Variants in SCAF4 observed in about 807,000 individuals in gnomAD.
SCAF4 encodes the protein SR-related and CTD-associated factor 4.
A neutral mutation model predicts 129.8 loss-of-function variants in SCAF4; 25 were observed. The observed-to-expected ratio is 0.19, with a 90% confidence interval of 0.14 to 0.27. The LOEUF is 0.27. SCAF4 is among the 10% of genes least tolerant of loss of function. SCAF4 has a pLI of 1.00. For synonymous variants in SCAF4, 551 were observed against 497.7 expected, an observed-to-expected ratio of 1.11 and a Z score of -1.43; for missense variants, 1,246 against 1,457.1, an observed-to-expected ratio of 0.86 and a Z score of 2.36.
At position 31,731,946 on chromosome 21, in the gene SCAF4, T is replaced by C. The variant is rs2051373945; in HGVS notation, c.-254A>G. 4.1e-6 allele frequency: 2 copies of C among 486,926 alleles called. No homozygotes were observed. The highest frequency in any genetic ancestry group is 4.1e-5 in the African/African-American group (2 of 48,742). 30.2% of individuals were successfully genotyped at this position (486,926 alleles called of 1,614,324 possible). On this transcript the variant is annotated 5_prime_UTR_variant, in exon 1 of 20. Coordinates refer to ENST00000286835, the MANE Select transcript of SCAF4 (RefSeq NM_020706.2). ...AAAGGAGGCGGCGGCAGCGCTGGTCTTCAACATGTCCGTTTGGTGGTGGCG... is the reference window on the plus strand; with the variant it reads ...AAAGGAGGCGGCGGCAGCGCTGGTCCTCAACATGTCCGTTTGGTGGTGGCG...
chr21:31,671,596 C>T lies in SCAF4; in HGVS notation c.3247G>A (p.Val1083Met), dbSNP rs1276199521. 2 of 1,614,158 alleles carry T rather than the reference C, an allele frequency of 1.2e-6. No individual in the cohort carries two copies. The highest frequency in any genetic ancestry group is 8.5e-7 in the Non-Finnish European group (1 of 1,180,016). ...EEARGKEKPE[V>M]TDRAGGNKTV... ...TTGTTACCACCTGCCCTGTCTGTCACCTCAGGCTTTTCCTTTCCTCGGGCT... is the reference window on the plus strand; with the variant it reads ...TTGTTACCACCTGCCCTGTCTGTCATCTCAGGCTTTTCCTTTCCTCGGGCT... The change falls in exon 20 of 20, where the codon GTG (valine) becomes ATG (methionine). Residue 1083 changes from valine to methionine, a missense_variant. This residue lies in a region of SCAF4 where 339 missense variants were observed against 325.0 expected (regional missense o/e 1.04). Coordinates refer to ENST00000286835, the MANE Select transcript of SCAF4 (RefSeq NM_020706.2).
chr21:31,671,667 C>G lies in SCAF4; in HGVS notation c.3176G>C (p.Arg1059Thr), dbSNP rs753234671. The stretch of plus-strand genomic sequence containing the variant: ...CTCTCTATCTCTAGAATCTCTCTCT[C>G]TGTCTCGATGCCCACTAGAGCGTCT... ...RNRRSSGHRD[R>T]ERDSRDRESR... The change falls in exon 20 of 20, where the codon AGA (arginine) becomes ACA (threonine). Residue 1059 changes from arginine to threonine, a missense_variant. Coordinates refer to ENST00000286835, the MANE Select transcript of SCAF4 (RefSeq NM_020706.2). 8 of 1,613,962 alleles carry G rather than the reference C, an allele frequency of 5.0e-6. No homozygotes were observed. Among genetic ancestry groups the G allele is most frequent in the Non-Finnish European group, 5.1e-6 (6 of 1,179,848 alleles).
intron 14 of SCAF4, 146 bp downstream of exon 14, chr21:31,691,671 T>TAAA: frequency 2.6e-6 from 1 of 382,476 alleles, no homozygotes; most frequent in South Asian, 8.5e-5. Context: ...GAAATATTCT[T>TAAA]TAAAAAAAAA....
At chr21:31,725,371 G>C (rs1002365734) in intron 1 of SCAF4, among the ~76,000 whole-genome samples, 2 of 152,126 alleles carry the variant, frequency 1.3e-5, no homozygotes, top group African/African-American at 4.8e-5. Context: ...TTTACAGTAA[G>C]AGAAGGGAGT....
intron 19 of SCAF4, among the ~76,000 whole-genome samples, chr21:31,682,376 CAA>C (rs57530611): frequency 3.1e-4 from 40 of 128,112 alleles, no homozygotes; most frequent in African/African-American, 8.9e-4. Context: ...AGACACATCT[CAA>C]AAAAAAAAAA....
At chr21:31,715,160 C>T (rs1164154063) in intron 1 of SCAF4, among the ~76,000 whole-genome samples, 1 of 152,180 alleles carries the variant, frequency 6.6e-6, no homozygotes, top group Non-Finnish European at 1.5e-5. Flanking sequence ...GAATCTATTT[C>T]TTGTCTAATC....
At chr21:31,718,899 A>C (rs182345502) in intron 1 of SCAF4, among the ~76,000 whole-genome samples, 239 of 152,350 alleles carry the variant, frequency 1.6e-3, no homozygotes, top group Non-Finnish European at 2.4e-3. Flanking sequence ...TGTTTTACCA[A>C]ATAAACACAT....
chr21:31,694,759 CAT>C (rs2050343245), intron 10 of SCAF4, 52 bp downstream of exon 10: 1 of 1,529,428 alleles, frequency 6.5e-7, no homozygotes, highest in South Asian at 1.1e-5. Context: ...GAGAAATCTG[CAT>C]ATAAGTCAAG....
intron 1 of SCAF4, among the ~76,000 whole-genome samples, chr21:31,719,630 GAGT>G (rs2051023410): frequency 6.6e-6 from 1 of 151,900 alleles, no homozygotes; most frequent in Non-Finnish European, 1.5e-5. Context: ...TCAGCCTCCC[GAGT>G]AGCTGGGATT....
rs779193054 is a variant in SCAF4, at chr21:31,692,300, C to T, written c.1614+49G>A. The T allele has an allele frequency of 9.3e-6, 13 of 1,398,836 alleles. No individual in the cohort carries two copies. In the Middle Eastern group the frequency reaches 7.1e-4, roughly 76 times the overall value. The allele number at this position is 1,398,836 out of a possible 1,614,324, so 86.7% of individuals were successfully genotyped here. The stretch of plus-strand genomic sequence containing the variant: ...TCAGGTCCTCCATTTCATAAAATGA[C>T]ATTAATCACACCTGTCCATCGTACT... On this transcript the variant is annotated intron_variant, in intron 13 of 19. Transcript: ENST00000286835.
chr21:31,690,090 C>T (rs1601203543), intron 15 of SCAF4, among the ~76,000 whole-genome samples: 1 of 152,158 alleles, frequency 6.6e-6, no homozygotes, highest in African/African-American at 2.4e-5. Flanking sequence ...AATATTTATG[C>T]CCACAAATAA....
chr21:31,718,296 G>A (rs569735483), intron 1 of SCAF4, among the ~76,000 whole-genome samples: 9 of 151,990 alleles, frequency 5.9e-5, no homozygotes, highest in Non-Finnish European at 1.0e-4. Flanking sequence ...TTTAATTATT[G>A]ATATACAGCT....
At chr21:31,693,099 T>C (rs763323860) in intron 12 of SCAF4, among the ~76,000 whole-genome samples, 195 bp downstream of exon 12, 17 of 152,344 alleles carry the variant, frequency 1.1e-4, no homozygotes, top group African/African-American at 3.4e-4. Context: ...TGCTGCTTTA[T>C]AGCTGGTTTA....
intron 1 of SCAF4, among the ~76,000 whole-genome samples, chr21:31,726,009 T>C (rs1383124185): frequency 6.6e-6 from 1 of 151,950 alleles, no homozygotes; most frequent in African/African-American, 2.4e-5. Context: ...ATAAATATAA[T>C]AACCAATAGA....
intron 1 of SCAF4, among the ~76,000 whole-genome samples, chr21:31,722,440 A>AC (rs2051092323): frequency 6.6e-6 from 1 of 152,164 alleles, no homozygotes; most frequent in African/African-American, 2.4e-5. Context: ...TTTACAAACA[A>AC]CCAGAATCGG....
At chr21:31,692,313 T>C in intron 13 of SCAF4, 36 bp downstream of exon 13, 1 of 1,468,300 alleles carries the variant, frequency 6.8e-7, no homozygotes, top group Non-Finnish European at 9.5e-7. Flanking sequence ...TAATCACACC[T>C]GTCCATCGTA....
At chr21:31,691,034 T>A (rs2050248340) in intron 14 of SCAF4, 81 bp from the exon 15 acceptor site, 1 of 1,239,198 alleles carries the variant, frequency 8.1e-7, no homozygotes, top group East Asian at 2.5e-5. Context: ...TATCATTCTA[T>A]CCATTCCGAC....
chr21:31,676,192 A>C (rs914801883), intron 19 of SCAF4, among the ~76,000 whole-genome samples: 1 of 152,180 alleles, frequency 6.6e-6, no homozygotes, highest in Admixed American at 6.5e-5. Flanking sequence ...TTTGGTCAAC[A>C]ACCCTATCTT....
intron 7 of SCAF4, among the ~76,000 whole-genome samples, chr21:31,699,438 G>A (rs986807370): frequency 3.3e-5 from 5 of 150,648 alleles, no homozygotes; most frequent in African/African-American, 4.9e-5. Flanking sequence ...GAATATACAC[G>A]AACAAATCTG....
Sources: allele counts gnomAD v4.1 joint callset (sites outside exome capture counted in the v4.1 genomes callset), GRCh38; gene constraint gnomAD v4.1.1; regional missense constraint gnomAD v4.1.1; transcripts MANE v1.5; gene names NCBI Gene and HGNC (gene_info 2026-07-23, HGNC 2026-07-21).